Variants in ASTN1 observed in about 807,000 individuals in gnomAD.
The protein encoded by ASTN1 is astrotactin-1.
ASTN1 carries 41 observed loss-of-function variants against 140.7 expected under a neutral mutation model. That is an observed-to-expected ratio of 0.29 (90% confidence interval 0.23 to 0.38). ASTN1 has a LOEUF of 0.38. Among genes scored for constraint, ASTN1 ranks in the 10% least tolerant of loss-of-function variants. The pLI is 1.00. For missense variants in ASTN1, 1,479 were observed against 1,678.8 expected, an observed-to-expected ratio of 0.88 and a Z score of 2.08; for synonymous variants, 640 against 652.2, an observed-to-expected ratio of 0.98 and a Z score of 0.29.
rs753290063 is a variant in ASTN1, at chr1:177,029,638, A to G, written c.1116T>C (p.Ser372=). 2 of 1,613,128 alleles carry G rather than the reference A, an allele frequency of 1.2e-6. No individual in the cohort carries two copies. The highest frequency in any genetic ancestry group is 1.7e-6 in the Non-Finnish European group (2 of 1,179,664). ...TGCCACCTCTATCATTCCTACCTCT[A>G]CTACGCCTCCTGCTCCTTGAAGGAT... The part of the protein sequence containing the change: ...YTDPSRSRRR[S]RVGSPRSPVN... Residue 372 remains serine (S), a synonymous_variant, in exon 5 of 23, where the codon AGT becomes AGC. Transcript: ENST00000361833.
chr1:177,023,272 G>T, intron 7 of ASTN1, 132 bp downstream of exon 7: 1 of 1,133,186 alleles, frequency 8.8e-7, no homozygotes, highest in Non-Finnish European at 1.2e-6. Flanking sequence ...CCACATGCAG[G>T]CAGTCCGCAT....
At chr1:177,007,924 G>T (rs920912117) in intron 8 of ASTN1, among the ~76,000 whole-genome samples, 10 of 152,226 alleles carry the variant, frequency 6.6e-5, no homozygotes, top group Non-Finnish European at 1.5e-4. Context: ...GCCTTCCATT[G>T]CTGGAGAGAT....
At chr1:177,085,072 G>A (rs1446382071) in intron 1 of ASTN1, among the ~76,000 whole-genome samples, 1 of 152,134 alleles carries the variant, frequency 6.6e-6, no homozygotes, top group African/African-American at 2.4e-5. Flanking sequence ...ATAACAGAAG[G>A]AAAGCATAAG....
chr1:177,127,391 CTT>C (rs1189975749), intron 1 of ASTN1, among the ~76,000 whole-genome samples: 36 of 152,000 alleles, frequency 2.4e-4, no homozygotes, highest in African/African-American at 8.2e-4. Context: ...CATTTATTCT[CTT>C]CTTTGGCATC....
chr1:176,965,255 A>G lies in ASTN1; in HGVS notation c.1524-18T>C, dbSNP rs1244504162. On this transcript the variant is annotated intron_variant, in intron 8 of 22. Coordinates refer to ENST00000361833, the MANE Select transcript of ASTN1 (RefSeq NM_004319.3). ...GCCATGGCCTAAAAGAAGAAACATCATTCAATTAAATTCAACTCAACAAAT... is the reference window on the plus strand; with the variant it reads ...GCCATGGCCTAAAAGAAGAAACATCGTTCAATTAAATTCAACTCAACAAAT... The G allele has an allele frequency of 7.4e-6, 12 of 1,611,702 alleles. No individual in the cohort carries two copies. Among genetic ancestry groups the G allele is most frequent in the African/African-American group, 2.7e-5 (2 of 74,854 alleles).
intron 1 of ASTN1, among the ~76,000 whole-genome samples, chr1:177,130,535 C>T (rs900601444): frequency 6.6e-6 from 1 of 152,162 alleles, no homozygotes; most frequent in African/African-American, 2.4e-5. Flanking sequence ...TCACCTCCCC[C>T]ACTTAAAAGT....
rs1224026168 is a variant in ASTN1 at position 176,888,213 on chromosome 1, G to A, written c.2941-9C>T. ...GTAGCCTCCTGCAAGAGCTGCATAAGAGAACAGGGAAAAGATTGAGTGTTG... is the reference window on the plus strand; with the variant it reads ...GTAGCCTCCTGCAAGAGCTGCATAAAAGAACAGGGAAAAGATTGAGTGTTG... On this transcript the variant is annotated splice_polypyrimidine_tract_variant and intron_variant, in intron 17 of 22. Transcript: ENST00000361833. The A allele has an allele frequency of 6.2e-7, 1 of 1,613,540 alleles. No homozygotes were observed.
In ASTN1 at chr1:176,863,354, C is replaced by G. The variant is rs1054193701; in HGVS notation, c.*930G>C. ...CCAATCAGACATCGGCCAAGCCTTA[C>G]CTGTCCAAGGTAAGAGGTGTGGGGG... On this transcript the variant is annotated 3_prime_UTR_variant, in exon 23 of 23. Coordinates refer to ENST00000361833, the MANE Select transcript of ASTN1 (RefSeq NM_004319.3). 1.0e-6 allele frequency: 1 copy of G among 985,740 alleles called. No homozygotes were observed. The highest frequency in any genetic ancestry group is 1.7e-5 in the African/African-American group (1 of 57,236). 61.1% of individuals were successfully genotyped at this position (985,740 alleles called of 1,614,324 possible).
intron 2 of ASTN1, among the ~76,000 whole-genome samples, chr1:177,042,618 A>G (rs2101996577): frequency 6.6e-6 from 1 of 152,366 alleles, no homozygotes; most frequent in Admixed American, 6.5e-5. Context: ...CAGACATAGC[A>G]CCTAATGAAT....
chr1:176,945,814 G>C, intron 13 of ASTN1, 112 bp downstream of exon 13: 1 of 1,087,714 alleles, frequency 9.2e-7, no homozygotes, highest in Non-Finnish European at 1.3e-6. Flanking sequence ...TATCCCTTTA[G>C]ACATATCATA....
intron 22 of ASTN1, among the ~76,000 whole-genome samples, chr1:176,867,153 CTT>C (rs904026456): frequency 1.1e-4 from 17 of 152,320 alleles, no homozygotes; most frequent in African/African-American, 3.8e-4. Context: ...CTTTCTGACT[CTT>C]GAGTCACAAA....
intron 3 of ASTN1, among the ~76,000 whole-genome samples, chr1:177,031,432 G>A (rs1023282940): frequency 1.3e-5 from 2 of 152,190 alleles, no homozygotes; most frequent in Non-Finnish European, 2.9e-5. Flanking sequence ...AAAGGCATTT[G>A]AGTTGATAAT....
chr1:177,030,780 C>T (rs764465216), intron 4 of ASTN1, 26 bp downstream of exon 4: 16 of 1,613,422 alleles, frequency 9.9e-6, no homozygotes, highest in South Asian at 3.3e-5. Context: ...AATCCACCCA[C>T]GAGCCCTAAT....
intron 1 of ASTN1, among the ~76,000 whole-genome samples, chr1:177,149,418 AG>A (rs1682904428): frequency 1.3e-5 from 1 of 79,196 alleles, no homozygotes; most frequent in Non-Finnish European, 2.0e-5. Flanking sequence ...ATATATATAT[AG>A]TATATATATA....
intron 7 of ASTN1, among the ~76,000 whole-genome samples, chr1:177,016,359 T>C (rs937075891): frequency 3.3e-5 from 5 of 150,950 alleles, no homozygotes; most frequent in African/African-American, 1.2e-4. Context: ...GATCAGGACA[T>C]TGTCTCCTGC....
rs529996385 is a variant in ASTN1, at chr1:176,903,821, A to T, written c.2672-8991T>A. On this transcript the variant is annotated intron_variant, in intron 16 of 22. Coordinates refer to ENST00000361833, the MANE Select transcript of ASTN1 (RefSeq NM_004319.3). ...TTCTGGAGTCTTCAAGTTCAAAATC[A>T]AGGTGTGGTCAGGGCCATGCCCCCT... is the stretch of plus-strand genomic sequence containing the variant. Among the ~76,000 whole-genome samples the T allele has an allele frequency of 2.0e-5, 3 of 152,268 alleles. No homozygotes were observed. The South Asian group carries it at 6.2e-4, about 32-fold the overall frequency.
intron 8 of ASTN1, among the ~76,000 whole-genome samples, chr1:176,996,576 C>A (rs1381937625): frequency 6.6e-6 from 1 of 152,146 alleles, no homozygotes; most frequent in African/African-American, 2.4e-5. Flanking sequence ...ATCACCAGCC[C>A]TCTCTCTGGG....
chr1:177,081,671 C>T (rs981537590), intron 1 of ASTN1, among the ~76,000 whole-genome samples: 2 of 152,114 alleles, frequency 1.3e-5, no homozygotes, highest in African/African-American at 4.8e-5. Flanking sequence ...TCTGAAGACA[C>T]CAAGATGGCT....
At chr1:176,952,202 A>T (rs1315964750) in intron 11 of ASTN1, among the ~76,000 whole-genome samples, 1 of 152,138 alleles carries the variant, frequency 6.6e-6, no homozygotes, top group Non-Finnish European at 1.5e-5. Context: ...TCTGGGGTCA[A>T]TTATGGATTT....
Sources: allele counts gnomAD v4.1 joint callset (sites outside exome capture counted in the v4.1 genomes callset), GRCh38; gene constraint gnomAD v4.1.1; transcripts MANE v1.5; gene names NCBI Gene and HGNC (gene_info 2026-07-23, HGNC 2026-07-21).